ARHGAP11B: variants seen among roughly 807,000 people sequenced by gnomAD.
ARHGAP11B encodes Rho GTPase activating protein 11B.
ARHGAP11B carries 14 observed loss-of-function variants against 27.6 expected under a neutral mutation model. The ratio of observed to expected loss-of-function variants is 0.51; its 90% CI spans 0.34 to 0.79. The LOEUF (loss-of-function observed/expected upper bound fraction) is 0.79. Ranked by LOEUF, ARHGAP11B falls within the 30% of genes least tolerant of loss-of-function variation. The probability of loss-of-function intolerance (pLI) is 0.02; values close to 1 mark genes in which losing one functional copy is unlikely to be tolerated. For missense variants in ARHGAP11B, 245 were observed against 320.1 expected, an observed-to-expected ratio of 0.77 and a Z score of 1.79; for synonymous variants, 82 against 114.1, an observed-to-expected ratio of 0.72 and a Z score of 1.80.
At chr15:30,626,807 T>C (rs201169941) in exon 1 of ARHGAP11B, 74 of 1,613,338 alleles carry the variant, frequency 4.6e-5, no homozygotes, top group Non-Finnish European at 5.7e-5. Context: ...CTCAGAGTTA[T>C]CGACGTATCC....
chr15:30,639,795 C>A (rs1291388120), intron 7 of ARHGAP11B, among the ~76,000 whole-genome samples: 1 of 151,908 alleles, frequency 6.6e-6, no homozygotes, highest in Middle Eastern at 3.2e-3. Context: ...TATCAGGTAG[C>A]AAATAGAATT....
intron 5 of ARHGAP11B, 96 bp from the exon 6 acceptor site, chr15:30,635,391 A>G: frequency 6.7e-7 from 1 of 1,501,120 alleles, no homozygotes; most frequent in East Asian, 2.3e-5. Context: ...CTGCAAAGAA[A>G]AAAAGAAAAG....
chr15:30,643,449 T>G (rs1247843880), intron 7 of ARHGAP11B, among the ~76,000 whole-genome samples: 1 of 151,894 alleles, frequency 6.6e-6, no homozygotes, highest in Non-Finnish European at 1.5e-5. Context: ...TGGCTAAGTT[T>G]TGTAGTTTTA....
At chr15:30,644,622 A>AT in intron 7 of ARHGAP11B, 18 of 1,529,502 alleles carry the variant, frequency 1.2e-5, no homozygotes, top group African/African-American at 1.4e-5. Flanking sequence ...AAAAGGTTTT[A>AT]TTTTTTTTAA....
intron 6 of ARHGAP11B, among the ~76,000 whole-genome samples, chr15:30,637,509 C>T (rs938574440): frequency 2.0e-5 from 3 of 152,030 alleles, no homozygotes; most frequent in South Asian, 2.1e-4. Flanking sequence ...CCAAGGTGGG[C>T]GGATCATGAG....
chr15:30,632,448 C>T (rs887907045), intron 2 of ARHGAP11B, among the ~76,000 whole-genome samples: 9 of 151,754 alleles, frequency 5.9e-5, no homozygotes, highest in Non-Finnish European at 8.8e-5. Context: ...AGCAGATTTT[C>T]GGCGTCTGGA....
intron 4 of ARHGAP11B, 38 bp from the exon 5 acceptor site, chr15:30,635,042 C>T (rs1376647439): frequency 1.3e-6 from 2 of 1,594,206 alleles, no homozygotes; most frequent in Non-Finnish European, 1.7e-6. Context: ...TGTATTTTCA[C>T]GTTTGGCTCC....
At chr15:30,636,373 T>A (rs183174400) in intron 6 of ARHGAP11B, among the ~76,000 whole-genome samples, 3,129 of 152,014 alleles carry the variant, frequency 0.021, 113 homozygotes, top group African/African-American at 0.072. Context: ...CAAAAGACCA[T>A]CATAAGATGG....
At chr15:30,645,063 T>TCCTTCCTTGGC (rs2060338575) in intron 8 of ARHGAP11B, among the ~76,000 whole-genome samples, 1 of 151,718 alleles carries the variant, frequency 6.6e-6, no homozygotes, top group Admixed American at 6.6e-5. Flanking sequence ...AAGGAAGGAT[T>TCCTTCCTTGGC]GGGATTCTAT....
rs540399445 is a variant in ARHGAP11B at position 30,630,329 on chromosome 15, A to C, written c.130-374A>C. The stretch of plus-strand genomic sequence containing the variant: ...AGAAAGTATCTAGTAAGTATTTATA[A>C]GATCATTAAAGCAACCTATAGTGTT... On this transcript the variant is annotated intron_variant, in intron 1 of 10. Coordinates refer to ENST00000428041, the Ensembl canonical transcript of ARHGAP11B. Among the ~76,000 whole-genome samples the C allele has an allele frequency of 7.2e-5, 11 of 152,202 alleles. 1 individual carries two copies. The South Asian group carries it at 2.3e-3, about 32-fold the overall frequency.
intron 7 of ARHGAP11B, chr15:30,644,585 A>G (rs2060334978): frequency 3.7e-6 from 4 of 1,072,280 alleles, no homozygotes; most frequent in Non-Finnish European, 5.7e-6. Flanking sequence ...ACATATAAGG[A>G]GACATATCAA....
At chr15:30,646,786 G>A (rs969223497) in intron 9 of ARHGAP11B, among the ~76,000 whole-genome samples, 9 of 151,650 alleles carry the variant, frequency 5.9e-5, no homozygotes, top group Non-Finnish European at 1.0e-4. Context: ...CCTGGCCAAC[G>A]TGGTGAAACC....
rs529873427 is a variant in ARHGAP11B, at chr15:30,648,091, G to A, written c.*372-213G>A. The stretch of plus-strand genomic sequence containing the variant: ...TAGGATTACAGGAGTGAGCCACTGC[G>A]CCAGGCTAACTGTTACTGTTTTGAG... On this transcript the variant is annotated intron_variant, in intron 10 of 10. Coordinates refer to ENST00000428041, the Ensembl canonical transcript of ARHGAP11B. Among the ~76,000 whole-genome samples the A allele has an allele frequency of 9.7e-4, 147 of 151,994 alleles. 2 individuals are homozygous for A. Among genetic ancestry groups the A allele is most frequent in the Admixed American group, 3.0e-3 (46 of 15,244 alleles).
intron 7 of ARHGAP11B, among the ~76,000 whole-genome samples, chr15:30,643,005 A>G (rs536559943): frequency 1.3e-5 from 2 of 152,122 alleles, no homozygotes; most frequent in African/African-American, 2.4e-5. Context: ...CTTGATTCAT[A>G]TGTCTGTGTA....
chr15:30,635,435 G>A (rs2060273497), intron 5 of ARHGAP11B, 52 bp from the exon 6 acceptor site: 1 of 1,570,120 alleles, frequency 6.4e-7, no homozygotes, highest in Non-Finnish European at 8.6e-7. Flanking sequence ...CATTTTTGGG[G>A]AAGAGTGGAG....
At chr15:30,647,402 C>T (rs746727536) in intron 9 of ARHGAP11B, among the ~76,000 whole-genome samples, 1 of 151,564 alleles carries the variant, frequency 6.6e-6, no homozygotes, top group Non-Finnish European at 1.5e-5. Flanking sequence ...TTACTTTTTT[C>T]GATAGTTGGT....
chr15:30,633,494 C>G, exon 3 of ARHGAP11B: 1 of 1,608,884 alleles, frequency 6.2e-7, no homozygotes, highest in Non-Finnish European at 8.5e-7. Context: ...TTTCAGCTTT[C>G]TTGTCGATGC....
At chr15:30,645,011 C>T (rs2060338206) in intron 8 of ARHGAP11B, among the ~76,000 whole-genome samples, 1 of 151,760 alleles carries the variant, frequency 6.6e-6, no homozygotes, top group Non-Finnish European at 1.5e-5. Flanking sequence ...GTTGAATTTC[C>T]ACCATTTATG....
At chr15:30,648,520 C>T (rs1425056935) in exon 11 of ARHGAP11B, among the ~76,000 whole-genome samples, 2 of 151,944 alleles carry the variant, frequency 1.3e-5, no homozygotes, top group Admixed American at 6.6e-5. Context: ...ATTGCTGAGT[C>T]GAAGTTTCCT....
Sources: allele counts gnomAD v4.1 joint callset (sites outside exome capture counted in the v4.1 genomes callset), GRCh38; gene constraint gnomAD v4.1.1; transcripts MANE v1.5; gene names NCBI Gene and HGNC (gene_info 2026-07-23, HGNC 2026-07-21).